KIF4A: variants seen among roughly 807,000 people sequenced by gnomAD.
KIF4A encodes the protein chromosome-associated kinesin KIF4A.
Under a neutral mutation model 105.9 loss-of-function variants are expected in KIF4A, and 7 were observed. The ratio of observed to expected loss-of-function variants is 0.07; its 90% CI spans 0.04 to 0.12. The LOEUF (loss-of-function observed/expected upper bound fraction) is 0.12. Ranked by LOEUF, KIF4A falls within the 10% of genes least tolerant of loss-of-function variation. KIF4A has a pLI of 1.00. For synonymous variants in KIF4A, 281 were observed against 331.3 expected, an observed-to-expected ratio of 0.85 and a Z score of 1.65; for missense variants, 558 against 929.2, an observed-to-expected ratio of 0.60 and a Z score of 5.19.
At chrX:70,295,236 T>G (rs1256148933) in intron 3 of KIF4A, among the ~76,000 whole-genome samples, 1 of 111,526 alleles carries the variant, frequency 9.0e-6, no homozygotes, top group Non-Finnish European at 1.9e-5. Flanking sequence ...AGTGCAGTGG[T>G]GCGATCTCGG....
At chrX:70,293,392 G>A (rs2085768535) in intron 3 of KIF4A, among the ~76,000 whole-genome samples, 1 of 112,015 alleles carries the variant, frequency 8.9e-6, no homozygotes, top group South Asian at 3.6e-4. Flanking sequence ...ACTTCCCTAA[G>A]GTCATTATTT....
At chrX:70,378,031 A>G (rs1395291202) in intron 18 of KIF4A, among the ~76,000 whole-genome samples, 2 of 112,841 alleles carry the variant, frequency 1.8e-5, no homozygotes, top group African/African-American at 6.4e-5. Flanking sequence ...AAATTCACAA[A>G]TATGAAGAAA....
intron 3 of KIF4A, among the ~76,000 whole-genome samples, chrX:70,294,942 C>A (rs959024541): frequency 9.0e-6 from 1 of 111,447 alleles, no homozygotes; most frequent in Non-Finnish European, 1.9e-5. Flanking sequence ...GGCATAGTGG[C>A]GCGTGCCTGT....
chrX:70,325,830 A>AT (rs1483522489), intron 7 of KIF4A, among the ~76,000 whole-genome samples: 2 of 110,017 alleles, frequency 1.8e-5, no homozygotes, highest in Non-Finnish European at 3.8e-5. Context: ...TACTCCATTA[A>AT]TAATAACTTA....
chrX:70,327,552 A>G (rs2085915333), intron 7 of KIF4A, among the ~76,000 whole-genome samples: 1 of 111,661 alleles, frequency 9.0e-6, no homozygotes. Flanking sequence ...CTTGTGGATA[A>G]CTTTCATCTC....
intron 18 of KIF4A, among the ~76,000 whole-genome samples, chrX:70,383,064 G>A (rs12008171): frequency 0.017 from 1,814 of 109,710 alleles, 37 homozygotes; most frequent in African/African-American, 0.057. Flanking sequence ...GCACATGCCT[G>A]TAATACCAGC....
At chrX:70,319,995 T>G (rs1375080304) in intron 7 of KIF4A, among the ~76,000 whole-genome samples, 1 of 111,908 alleles carries the variant, frequency 8.9e-6, no homozygotes, top group Non-Finnish European at 1.9e-5. Flanking sequence ...CTCTGTGGCA[T>G]TAACACTTGA....
intron 13 of KIF4A, among the ~76,000 whole-genome samples, chrX:70,344,486 G>A (rs1015321048): frequency 7.2e-5 from 8 of 111,284 alleles, no homozygotes; most frequent in East Asian, 2.8e-4. Flanking sequence ...TGTTTTGGGG[G>A]TGGGGTGGTT....
At chrX:70,381,074 A>G (rs1303037100) in intron 18 of KIF4A, among the ~76,000 whole-genome samples, 1 of 111,659 alleles carries the variant, frequency 9.0e-6, no homozygotes, top group Non-Finnish European at 1.9e-5. Flanking sequence ...ATTTGAACCC[A>G]GGAGGCAGAG....
intron 7 of KIF4A, among the ~76,000 whole-genome samples, chrX:70,316,987 G>A (rs1033096689): frequency 2.1e-4 from 24 of 111,858 alleles, no homozygotes; most frequent in African/African-American, 7.5e-4. Flanking sequence ...TACCAAATCT[G>A]ATAACCCTAA....
intron 7 of KIF4A, among the ~76,000 whole-genome samples, chrX:70,316,046 C>T (rs1426676626): frequency 9.0e-6 from 1 of 111,403 alleles, no homozygotes; most frequent in East Asian, 2.8e-4. Context: ...TTGGCTGGCC[C>T]CAGCACCTAC....
At chrX:70,329,907 G>A (rs1407408357) in intron 8 of KIF4A, among the ~76,000 whole-genome samples, 1 of 111,564 alleles carries the variant, frequency 9.0e-6, no homozygotes, top group African/African-American at 3.3e-5. Flanking sequence ...GGCCCCAGTT[G>A]TTTTAACCTG....
At chrX:70,336,089 G>A (rs889007459) in intron 10 of KIF4A, among the ~76,000 whole-genome samples, 15 of 111,586 alleles carry the variant, frequency 1.3e-4, no homozygotes, top group African/African-American at 4.9e-4. Flanking sequence ...CATATGAATG[G>A]TTGGGTACTG....
chrX:70,376,115 C>T lies in KIF4A; in HGVS notation c.1939C>T (p.Arg647Trp), dbSNP rs764878951. ...NQEIRMMKNQRVQLMRQMKED... is the reference protein window; with the variant it reads ...NQEIRMMKNQWVQLMRQMKED... ...GTTTTTATAGATGATGAAAAACCAG[C>T]GGGTACAGTTAATGCGTCAAATGAA... The change falls in exon 18 of 31, where the codon CGG becomes TGG. Residue 647 changes from arginine to tryptophan, a missense_variant. Coordinates refer to ENST00000374403, the MANE Select transcript of KIF4A (RefSeq NM_012310.5). 7.5e-6 allele frequency: 9 copies of T among 1,198,565 alleles called. No homozygotes were observed. Among genetic ancestry groups the T allele is most frequent in the East Asian group, 3.0e-5 (1 of 33,713 alleles).
intron 13 of KIF4A, among the ~76,000 whole-genome samples, chrX:70,350,502 GGA>G: frequency 9.2e-6 from 1 of 109,054 alleles, no homozygotes; most frequent in South Asian, 4.0e-4. Flanking sequence ...AGAGGGAAAG[GGA>G]GAGAGGGGGA....
intron 15 of KIF4A, among the ~76,000 whole-genome samples, chrX:70,371,662 C>T (rs2086134648): frequency 9.5e-6 from 1 of 105,090 alleles, no homozygotes; most frequent in African/African-American, 3.5e-5. Context: ...GGCTGACCCC[C>T]CTACCTCCCT....
At position 70,343,887 on chromosome X, in the gene KIF4A, G is replaced by A; in HGVS notation, c.1336G>A (p.Asp446Asn). The change falls in exon 13 of 31, where the codon GAT becomes AAT. Residue 446 changes from aspartate (D) to asparagine (N), a missense_variant. This residue lies in a region of KIF4A where 469 missense variants were observed against 680.4 expected (regional missense o/e 0.69). Coordinates refer to ENST00000374403, the MANE Select transcript of KIF4A (RefSeq NM_012310.5). The stretch of plus-strand genomic sequence containing the variant: ...TGTTTGAATTTTCAGCTGCAAACTG[G>A]ATCTTCAAAAGCTAGTGGAGACTTT... ...ELRQHAACKL[D>N]LQKLVETLED... 1.7e-6 allele frequency: 2 copies of A among 1,209,917 alleles called. No individual in the cohort carries two copies. Among genetic ancestry groups the A allele is most frequent in the Non-Finnish European group, 2.2e-6 (2 of 893,914 alleles).
intron 10 of KIF4A, among the ~76,000 whole-genome samples, chrX:70,336,481 ATGAGAAAGCC>A (rs2085951079): frequency 8.9e-6 from 1 of 111,751 alleles, no homozygotes; most frequent in South Asian, 3.7e-4. Context: ...CCAGCAGTGT[ATGAGAAAGCC>A]TGTTTCCCCA....
chrX:70,331,334 A>G (rs1187933731), intron 9 of KIF4A, among the ~76,000 whole-genome samples: 2 of 111,507 alleles, frequency 1.8e-5, no homozygotes, highest in Non-Finnish European at 3.8e-5. Flanking sequence ...AGGAAAGAGT[A>G]CAGGCTTACC....
Sources: gnomAD v4.1 joint callset for allele counts (sites outside exome capture counted in the v4.1 genomes callset) on GRCh38, gnomAD v4.1.1 for gene constraint, gnomAD v4.1.1 regional missense constraint, MANE v1.5 for transcripts, NCBI Gene and HGNC (gene_info 2026-07-23, HGNC 2026-07-21) for gene names.